CEP112: variants seen among roughly 807,000 people sequenced by gnomAD.
CEP112 encodes centrosomal protein of 112 kDa.
Under a neutral mutation model 153.0 loss-of-function variants are expected in CEP112, and 127 were observed. That is an observed-to-expected ratio of 0.83 (90% confidence interval 0.72 to 0.96). The LOEUF is 0.96. Among genes scored for constraint, CEP112 ranks in the 40% least tolerant of loss-of-function variants. The probability of loss-of-function intolerance (pLI) is 0.00; values close to 1 mark genes in which losing one functional copy is unlikely to be tolerated. For synonymous variants in CEP112, 358 were observed against 374.4 expected (o/e 0.96, Z 0.51); for missense variants, 1,089 against 1,101.2 (o/e 0.99, Z 0.16).
intron 5 of CEP112, among the ~76,000 whole-genome samples, chr17:66,130,793 A>G (rs998200225): frequency 6.6e-6 from 1 of 150,850 alleles, no homozygotes; most frequent in African/African-American, 2.4e-5. Context: ...AAAAAAAAAA[A>G]CACACACAAT....
At chr17:66,030,350 T>G (rs1248314415) in intron 12 of CEP112, among the ~76,000 whole-genome samples, 1 of 152,204 alleles carries the variant, frequency 6.6e-6, no homozygotes, top group Non-Finnish European at 1.5e-5. Context: ...GGTTTCAGTC[T>G]CTATGCCTCT....
chr17:65,842,815 G>T (rs925799059), intron 21 of CEP112, among the ~76,000 whole-genome samples: 2 of 151,822 alleles, frequency 1.3e-5, no homozygotes, highest in African/African-American at 2.4e-5. Flanking sequence ...TATTTGATTT[G>T]GTTTGATTTG....
chr17:65,658,336 TCTAGGAAAGTG>T (rs2143768488), intron 24 of CEP112, among the ~76,000 whole-genome samples: 1 of 152,316 alleles, frequency 6.6e-6, no homozygotes, highest in Non-Finnish European at 1.5e-5. Context: ...GCTGGAGTGA[TCTAGGAAAGTG>T]AGGAACTCCT....
intron 24 of CEP112, among the ~76,000 whole-genome samples, chr17:65,650,823 G>T (rs189365111): frequency 2.2e-3 from 327 of 151,262 alleles, no homozygotes; most frequent in African/African-American, 7.2e-3. Flanking sequence ...CAGGAGAATC[G>T]CTTGAACCCA....
intron 24 of CEP112, among the ~76,000 whole-genome samples, chr17:65,660,369 C>CCCTCCCTT (rs2046306728): frequency 8.5e-6 from 1 of 118,040 alleles, no homozygotes; most frequent in African/African-American, 3.7e-5. Flanking sequence ...CTCCCTCCCT[C>CCCTCCCTT]CCTTCCTTCC....
intron 8 of CEP112, among the ~76,000 whole-genome samples, chr17:66,095,737 A>G (rs1245786298): frequency 6.6e-6 from 1 of 152,184 alleles, no homozygotes; most frequent in Non-Finnish European, 1.5e-5. Context: ...CCATTTGACA[A>G]TGTATACATA....
At chr17:66,070,030 T>C (rs1283315924) in intron 8 of CEP112, 29 bp from the exon 9 acceptor site, 2 of 1,347,136 alleles carry the variant, frequency 1.5e-6, no homozygotes, top group East Asian at 4.6e-5. Flanking sequence ...AAGGGTGTTA[T>C]TAATTTACTT....
At chr17:66,112,725 C>T (rs2069114621) in intron 6 of CEP112, among the ~76,000 whole-genome samples, 1 of 152,150 alleles carries the variant, frequency 6.6e-6, no homozygotes, top group South Asian at 2.1e-4. Flanking sequence ...AGGTGGATCA[C>T]TCGAGGTCAG....
chr17:65,970,134 T>G (rs944941160), intron 17 of CEP112, among the ~76,000 whole-genome samples: 1 of 152,198 alleles, frequency 6.6e-6, no homozygotes, highest in African/African-American at 2.4e-5. Flanking sequence ...GTATATTGCA[T>G]TTATGTATTT....
chr17:66,164,334 G>A (rs1207978059), intron 4 of CEP112, among the ~76,000 whole-genome samples: 1 of 151,994 alleles, frequency 6.6e-6, no homozygotes, highest in Non-Finnish European at 1.5e-5. Flanking sequence ...AAGGCGGGAG[G>A]ACCATTTGAG....
intron 19 of CEP112, among the ~76,000 whole-genome samples, chr17:65,921,801 T>A (rs1471303601): frequency 6.6e-6 from 1 of 152,186 alleles, no homozygotes; most frequent in Non-Finnish European, 1.5e-5. Flanking sequence ...TTATTTTTGA[T>A]CAATACAAAG....
chr17:65,878,650 C>T (rs2058935199), intron 20 of CEP112, among the ~76,000 whole-genome samples: 2 of 152,008 alleles, frequency 1.3e-5, no homozygotes, highest in African/African-American at 4.8e-5. Context: ...TTCAGCAGAT[C>T]TAGGAGCCCA....
chr17:65,754,543 G>A (rs1341475823), intron 21 of CEP112, among the ~76,000 whole-genome samples: 1 of 152,136 alleles, frequency 6.6e-6, no homozygotes, highest in Non-Finnish European at 1.5e-5. Flanking sequence ...GGGAGGCGGA[G>A]GTTGCAGTGA....
Position 66,165,300 on chromosome 17 carries a change from T to C in CEP112, c.470+9744A>G, listed in dbSNP as rs866788807. On this transcript the variant is annotated intron_variant, in intron 4 of 26. Transcript: ENST00000535342. ...TAAAATTAGAAATTCAGTTTTTCAA[T>C]CACACCAGCCACATTTCAAGTGTTC... is the stretch of plus-strand genomic sequence containing the variant. Among the ~76,000 whole-genome samples, 40 of 152,276 alleles carry C rather than the reference T, an allele frequency of 2.6e-4. 1 individual carries two copies. Among genetic ancestry groups the C allele is most frequent in the Middle Eastern group, 3.4e-3 (1 of 294 alleles).
At chr17:66,164,968 G>A (rs1464407342) in intron 4 of CEP112, among the ~76,000 whole-genome samples, 3 of 149,640 alleles carry the variant, frequency 2.0e-5, no homozygotes, top group Non-Finnish European at 4.4e-5. Flanking sequence ...GAGCTCCTCT[G>A]ACAGCAGAAA....
At chr17:65,751,382 C>T (rs895304598) in intron 21 of CEP112, among the ~76,000 whole-genome samples, 3 of 152,180 alleles carry the variant, frequency 2.0e-5, no homozygotes, top group African/African-American at 7.2e-5. Context: ...CTGTTTTCTG[C>T]TCTCTGGAAA....
chr17:65,967,705 A>G (rs1340375058), intron 17 of CEP112, among the ~76,000 whole-genome samples: 3 of 152,176 alleles, frequency 2.0e-5, no homozygotes, highest in Non-Finnish European at 4.4e-5. Flanking sequence ...ATAAAGGTAT[A>G]TAAGTAAAAT....
intron 23 of CEP112, among the ~76,000 whole-genome samples, chr17:65,736,419 A>G (rs543047615): frequency 2.0e-5 from 3 of 152,292 alleles, no homozygotes; most frequent in South Asian, 2.1e-4. Flanking sequence ...AATGCCCAGT[A>G]GTAGTCAGAA....
At chr17:65,659,201 T>C (rs1254649967) in intron 24 of CEP112, among the ~76,000 whole-genome samples, 1 of 152,132 alleles carries the variant, frequency 6.6e-6, no homozygotes, top group African/African-American at 2.4e-5. Flanking sequence ...TATAGTTTCC[T>C]ATTTTAAAGC....
Sources: gnomAD v4.1 joint callset for allele counts (sites outside exome capture counted in the v4.1 genomes callset) on GRCh38, gnomAD v4.1.1 for gene constraint, MANE v1.5 for transcripts, NCBI Gene and HGNC (gene_info 2026-07-23, HGNC 2026-07-21) for gene names.